Variants in NEB observed in about 807,000 individuals in gnomAD.
NEB encodes nebulin.
In NEB, 512 loss-of-function variants were observed where a neutral mutation model predicts 952.2. The observed-to-expected ratio is 0.54, with a 90% CI of 0.50 to 0.58. NEB has a LOEUF of 0.58. Among genes scored for constraint, NEB ranks in the 20% least tolerant of loss-of-function variants. The pLI is 0.00. For missense variants in NEB, 8,428 were observed against 9,231.1 expected (o/e 0.91, Z 3.56); for synonymous variants, 2,900 against 3,149.8 (o/e 0.92, Z 2.66).
chr2:151,713,974 C>A (rs1452371060), intron 10 of NEB, among the ~76,000 whole-genome samples: 2 of 152,066 alleles, frequency 1.3e-5, no homozygotes, highest in Non-Finnish European at 2.9e-5. Flanking sequence ...GAACTCCACC[C>A]CAAAATATGG....
At position 151,502,888 on chromosome 2, in the gene NEB, G is replaced by A. The variant is rs1381514519; in HGVS notation, c.23836-3C>T. 6.4e-7 allele frequency: 1 copy of A among 1,557,414 alleles called. No individual in the cohort carries two copies. Among genetic ancestry groups the A allele is most frequent in the Non-Finnish European group, 8.8e-7 (1 of 1,134,796 alleles). On this transcript the variant is annotated splice_polypyrimidine_tract_variant and splice_region_variant and intron_variant, in intron 166 of 181. Transcript: ENST00000397345. ...CCCAAATTTTCTTTGTACAAAACCT[G>A]TGAGATACAAGAAAGTACCCAGAGG... is the stretch of plus-strand genomic sequence containing the variant.
intron 78 of NEB, 106 bp from the exon 79 acceptor site, chr2:151,610,972 A>T: frequency 1.4e-6 from 1 of 697,292 alleles, no homozygotes; most frequent in South Asian, 2.4e-5. Flanking sequence ...ACTCACATTT[A>T]ACTATAAAAT....
At chr2:151,544,162 T>C (rs2094436599) in intron 135 of NEB, among the ~76,000 whole-genome samples, 1 of 152,114 alleles carries the variant, frequency 6.6e-6, no homozygotes, top group South Asian at 2.1e-4. Context: ...CACTGAAAAA[T>C]ATCCATTCTT....
chr2:151,569,170 G>A (rs2096540765), intron 110 of NEB, 98 bp downstream of exon 110: 3 of 970,454 alleles, frequency 3.1e-6, no homozygotes, highest in Non-Finnish European at 4.9e-6. Context: ...CAATTGAAAT[G>A]GTTAAGATTG....
Position 151,533,380 on chromosome 2 carries a change from T to C in NEB, c.21417+62A>G. 8.3e-6 allele frequency: 9 copies of C among 1,080,670 alleles called. No homozygotes were observed. The South Asian group carries it at 1.1e-4, about 13-fold the overall frequency. The allele number at this position is 1,080,670 out of a possible 1,614,324, so 66.9% of individuals were successfully genotyped here. On this transcript the variant is annotated intron_variant, in intron 143 of 181. Transcript: ENST00000397345. ...GTGGAAGAGGAAATCAATGAAAGCA[T>C]ACAAGGGAATGCATCCAAGACTTCT...
rs2148649309 is a variant in NEB at position 151,680,736 on chromosome 2, C to T, written c.3036G>A (p.Arg1012=). The T allele has an allele frequency of 1.3e-6, 2 of 1,590,040 alleles. No individual in the cohort carries two copies. Among genetic ancestry groups the T allele is most frequent in the South Asian group, 1.1e-5 (1 of 89,846 alleles). Reference sequence around the variant, plus strand: ...AGATAGCATTAACACTTACATCACTCCTCTGGGCCTGGTTAATTTTAGACT... The same window carrying T: ...AGATAGCATTAACACTTACATCACTTCTCTGGGCCTGGTTAATTTTAGACT... The part of the protein sequence containing the change: ...TVQSKINQAQ[R]SDIAYKAKGE... The change falls in exon 30 of 182, where the codon AGG becomes AGA. Residue 1012 remains arginine (R), a synonymous_variant. Coordinates refer to ENST00000397345, the MANE Select transcript of NEB (RefSeq NM_001164508.2).
Position 151,531,120 on chromosome 2 carries a change from G to C in NEB, c.21523-19C>G, listed in dbSNP as rs752728924. On this transcript the variant is annotated intron_variant, in intron 144 of 181. Transcript: ENST00000397345. ...AAAGGATCTGAAAGATCAAAAAGCA[G>C]AAAGACATCATGTCATGCTTCTCAA... The C allele has an allele frequency of 6.2e-5, 93 of 1,489,208 alleles. No individual in the cohort carries two copies. The highest frequency in any genetic ancestry group is 8.4e-5 in the Non-Finnish European group (90 of 1,070,094). 92.2% of individuals were successfully genotyped at this position (1,489,208 alleles called of 1,614,324 possible).
In NEB at chr2:151,502,786, G is replaced by A; in HGVS notation, c.23928+7C>T. On this transcript the variant is annotated splice_region_variant and intron_variant, in intron 167 of 181. Transcript: ENST00000397345. ...GATTTTTTTTTTTTTGGCCCCCTAA[G>A]AAATACCGAGCTAAAGTTCTCTTGA... The A allele has an allele frequency of 6.5e-7, 1 of 1,540,700 alleles. No individual in the cohort carries two copies.
At position 151,675,298 on chromosome 2, in the gene NEB, T is replaced by C; in HGVS notation, c.3868A>G (p.Asn1290Asp). The change falls in exon 35 of 182, where the codon AAT (asparagine) becomes GAT (aspartate). Residue 1290 changes from asparagine (N) to aspartate (D), a missense_variant. Physicochemically the swap from Asn to Asp is conservative, Grantham distance 23. This residue lies in a region of NEB where 2,851 missense variants were observed against 2,791.5 expected (regional missense o/e 1.02). Coordinates refer to ENST00000397345, the MANE Select transcript of NEB (RefSeq NM_001164508.2). ...AAGACCCTACTTACGTCACTTATAT[T>C]GTAAGCATTGCACTTGGCCTGGAGA... is the stretch of plus-strand genomic sequence containing the variant. ...QFLQAKCNAY[N>D]ISDVCYKRDW... is the part of the protein sequence containing the mutation. 6.3e-7 allele frequency: 1 copy of C among 1,580,556 alleles called. No individual in the cohort carries two copies. The highest frequency in any genetic ancestry group is 8.6e-7 in the Non-Finnish European group (1 of 1,157,874).
intron 38 of NEB, among the ~76,000 whole-genome samples, 167 bp downstream of exon 38, chr2:151,670,856 T>C (rs1239180443): frequency 6.6e-6 from 1 of 152,232 alleles, no homozygotes; most frequent in Non-Finnish European, 1.5e-5. Context: ...TTTCCCATGT[T>C]CAAGATCCCA....
rs1401069525 is a variant in NEB, at chr2:151,563,925, C to T, written c.18477G>A (p.Leu6159=). Reference sequence around the variant, plus strand: ...TGGTGCCCTCCCACGCCCCTTTATACAGTATCTAGAACAAAGAAATACATG... The same window carrying T: ...TGGTGCCCTCCCACGCCCCTTTATATAGTATCTAGAACAAAGAAATACATG... ...KDMGKLYSTI[L]YKGAWEGTKA... is the part of the protein sequence containing the mutation. Residue 6159 remains leucine (L), a synonymous_variant, in exon 118 of 182, where the codon CTG becomes CTA. Coordinates refer to ENST00000397345, the MANE Select transcript of NEB (RefSeq NM_001164508.2). The T allele has an allele frequency of 1.2e-6, 2 of 1,603,136 alleles. No homozygotes were observed. Among genetic ancestry groups the T allele is most frequent in the Admixed American group, 1.7e-5 (1 of 58,294 alleles).
chr2:151,733,081 T>A (rs377555125), intron 3 of NEB, 40 bp downstream of exon 3: 113 of 1,564,764 alleles, frequency 7.2e-5, no homozygotes, highest in Non-Finnish European at 9.3e-5. Context: ...TGTCACTACA[T>A]AAAATAGTTT....
intron 36 of NEB, 84 bp downstream of exon 36, chr2:151,674,393 T>G: frequency 1.9e-6 from 2 of 1,029,686 alleles, no homozygotes; most frequent in South Asian, 2.7e-5. Context: ...ACATATTTCT[T>G]TCAATAAGGT....
chr2:151,527,522 CCGG>C lies in NEB; in HGVS notation c.21796_21798del (p.Pro7266del), dbSNP rs2087086068. The C allele has an allele frequency of 1.2e-6, 2 of 1,613,316 alleles. No homozygotes were observed. Among genetic ancestry groups the C allele is most frequent in the African/African-American group, 2.7e-5 (2 of 74,914 alleles). ...GATGACTTGGCAGCCTGGAGGAAGT[CCGG>C]TCGGTCAGGAGTCCACTTCCAGTGG... On this transcript the variant is annotated inframe_deletion, in exon 147 of 182. Transcript: ENST00000397345.
At chr2:151,498,145 T>TAAG in intron 170 of NEB, 115 bp downstream of exon 170, 1 of 1,529,184 alleles carries the variant, frequency 6.5e-7, no homozygotes, top group East Asian at 2.5e-5. Context: ...TTTTGTAATA[T>TAAG]AAGATGTATT....
At chr2:151,666,956 T>G (rs1184667451) in intron 40 of NEB, among the ~76,000 whole-genome samples, 1 of 152,110 alleles carries the variant, frequency 6.6e-6, no homozygotes, top group South Asian at 2.1e-4. Context: ...TACAAATTAG[T>G]GTATTAATCT....
intron 161 of NEB, 35 bp downstream of exon 161, chr2:151,512,698 G>A: frequency 7.3e-7 from 1 of 1,376,292 alleles, no homozygotes; most frequent in Non-Finnish European, 1.0e-6. Context: ...TTCATGATTG[G>A]GGTTTATGAG....
At position 151,690,828 on chromosome 2, in the gene NEB, A is replaced by G; in HGVS notation, c.2212-3T>C. ...TCTGGATGAACTTTGTAGGTATGCT[A>G]GAAAAGAAGATGTTCTTTAATGAAA... On this transcript the variant is annotated splice_region_variant and splice_polypyrimidine_tract_variant and intron_variant, in intron 23 of 181. Coordinates refer to ENST00000397345, the MANE Select transcript of NEB (RefSeq NM_001164508.2). 1.3e-6 allele frequency: 2 copies of G among 1,552,634 alleles called. 1 individual carries two copies. The highest frequency in any genetic ancestry group is 3.4e-4 in the Middle Eastern group (2 of 5,962).
At chr2:151,642,530 C>A in intron 60 of NEB, 44 bp downstream of exon 60, 2 of 1,516,358 alleles carry the variant, frequency 1.3e-6, no homozygotes, top group Non-Finnish European at 1.8e-6. Context: ...AGAAATAAAT[C>A]TTTGAGCCAA....
Sources: allele counts gnomAD v4.1 joint callset (sites outside exome capture counted in the v4.1 genomes callset), GRCh38; gene constraint gnomAD v4.1.1; regional missense constraint gnomAD v4.1.1; transcripts MANE v1.5; gene names NCBI Gene and HGNC (gene_info 2026-07-23, HGNC 2026-07-21).